PDE4A: variants seen among roughly 807,000 people sequenced by gnomAD.
PDE4A encodes the protein 3',5'-cyclic-AMP phosphodiesterase 4A.
Under a neutral mutation model 73.9 loss-of-function variants are expected in PDE4A, and 21 were observed. That is an observed-to-expected ratio of 0.28 (90% CI 0.20 to 0.41). PDE4A has a LOEUF of 0.41. PDE4A is among the 10% of genes least tolerant of loss of function. The pLI is 1.00. For missense variants in PDE4A, 958 were observed against 1,211.4 expected (o/e 0.79, Z 3.10); for synonymous variants, 463 against 505.4 (o/e 0.92, Z 1.13).
chr19:10,416,976 G>T, upstream of PDE4A: 1 of 1,542,180 alleles, frequency 6.5e-7, no homozygotes. Context: ...GTCCGTGGCA[G>T]GGACCGGGGA....
At chr19:10,433,584 A>T (rs1882473909) in intron 1 of PDE4A, among the ~76,000 whole-genome samples, 1 of 152,206 alleles carries the variant, frequency 6.6e-6, no homozygotes, top group Non-Finnish European at 1.5e-5. Context: ...ATGAGCACCC[A>T]GCCCCTGCTC....
At chr19:10,426,276 C>A (rs895094263) in intron 1 of PDE4A, among the ~76,000 whole-genome samples, 1 of 152,168 alleles carries the variant, frequency 6.6e-6, no homozygotes, top group Non-Finnish European at 1.5e-5. Context: ...TCGTTCATTC[C>A]ACAAACACTG....
At position 10,460,612 on chromosome 19, in the gene PDE4A, T is replaced by C. The variant is rs2043247763; in HGVS notation, c.1366-392T>C. Among the ~76,000 whole-genome samples, 9 of 150,382 alleles carry C rather than the reference T, an allele frequency of 6.0e-5. No homozygotes were observed. In the South Asian group the frequency reaches 1.9e-3, roughly 31 times the overall value. On this transcript the variant is annotated intron_variant, in intron 10 of 14. Coordinates refer to ENST00000380702, the MANE Select transcript of PDE4A (RefSeq NM_001111307.2). ...CACCTGAGGTCAGAAATGGCCAACA[T>C]GGCGAAACCCTGTCTCTACCAAAAA...
At chr19:10,429,170 G>A (rs919286379) in intron 1 of PDE4A, among the ~76,000 whole-genome samples, 3 of 150,276 alleles carry the variant, frequency 2.0e-5, no homozygotes, top group African/African-American at 7.4e-5. Flanking sequence ...GGAAAGGAAG[G>A]AAGAAATGAA....
rs1481491342 is a variant in PDE4A, at chr19:10,458,069, G to C, written c.1068G>C (p.Gly356=). The C allele has an allele frequency of 1.2e-6, 2 of 1,613,810 alleles. No individual in the cohort carries two copies. Among genetic ancestry groups the C allele is most frequent in the East Asian group, 2.2e-5 (1 of 44,884 alleles). ...SLNNSNIPRF[G]VKTDQEELLA... The stretch of plus-strand genomic sequence containing the variant: ...ACAACTCTAACATTCCCCGATTTGG[G>C]GTGAAGACCGATCAAGAAGAGCTCC... The change falls in exon 8 of 15, where the codon GGG becomes GGC. Residue 356 remains glycine, a synonymous_variant. Transcript: ENST00000380702. The surrounding 1 kb of genome is among the most constrained non-coding windows in gnomAD (Gnocchi z 4.6).
Position 10,458,126 on chromosome 19 carries a change from A to G in PDE4A, c.1101+24A>G. On this transcript the variant is annotated intron_variant, in intron 8 of 14. Transcript: ENST00000380702. This position sits in a 1 kb window ranked among gnomAD's most constrained non-coding sequence, Gnocchi z 4.6. ...AAGTGGGTGGGGGCTCAGTAGGGGC[A>G]GGGCTGGAGGGGGTGGTCTCCTGGG... The G allele has an allele frequency of 6.2e-7, 1 of 1,609,068 alleles. No individual in the cohort carries two copies. The highest frequency in any genetic ancestry group is 8.5e-7 in the Non-Finnish European group (1 of 1,176,100).
intron 1 of PDE4A, chr19:10,432,499 G>A (rs1196903578): frequency 1.3e-6 from 2 of 1,518,912 alleles, no homozygotes; most frequent in South Asian, 2.5e-5. Context: ...CCCCCCACGG[G>A]CCCCGAGTCC....
intron 13 of PDE4A, 167 bp from the exon 14 acceptor site, chr19:10,463,626 C>T: frequency 1.2e-6 from 1 of 808,630 alleles, no homozygotes. Flanking sequence ...TGGTCTTGAA[C>T]TCCTGACCTC....
Position 10,467,222 on chromosome 19 carries a change from A to T in PDE4A, c.2262A>T (p.Ala754=). The T allele has an allele frequency of 6.2e-7, 1 of 1,614,192 alleles. No individual in the cohort carries two copies. The highest frequency in any genetic ancestry group is 1.3e-5 in the African/African-American group (1 of 75,060). ...EALDATIAWE[A]SPAQESLEVM... is the part of the protein sequence containing the mutation. ...TGGATGCAACCATAGCCTGGGAGGC[A>T]TCCCCGGCCCAGGAGTCGTTGGAAG... The change falls in exon 15 of 15, where the codon GCA becomes GCT. Residue 754 remains alanine (A), a synonymous_variant. Transcript: ENST00000380702.
rs756155251 is a variant in PDE4A, at chr19:10,453,676, G to T, written c.784-1153G>T. Reference sequence around the variant, plus strand: ...TGACCATGGTGTTGTGTGTTGGGTTGTGTGTCTGAGCCCAGAGCTGCCTGA... The same window carrying T: ...TGACCATGGTGTTGTGTGTTGGGTTTTGTGTCTGAGCCCAGAGCTGCCTGA... On this transcript the variant is annotated intron_variant, in intron 6 of 14. Coordinates refer to ENST00000380702, the MANE Select transcript of PDE4A (RefSeq NM_001111307.2). The surrounding 1 kb of genome is among the most constrained non-coding windows in gnomAD (Gnocchi z 4.6). 2.0e-5 allele frequency among the ~76,000 whole-genome samples: 3 copies of T among 152,114 alleles called. No homozygotes were observed. The highest frequency in any genetic ancestry group is 7.2e-5 in the African/African-American group (3 of 41,414).
rs774217840 is a variant in PDE4A at position 10,453,312 on chromosome 19, G to C, written c.784-1517G>C. On this transcript the variant is annotated intron_variant, in intron 6 of 14. Coordinates refer to ENST00000380702, the MANE Select transcript of PDE4A (RefSeq NM_001111307.2). The surrounding 1 kb of genome is among the most constrained non-coding windows in gnomAD (Gnocchi z 4.6). ...CGAGACCTGCTCTAAGCCTTGGCTG[G>C]TGGGCTGGTGGGACCAGGTAGGAGA... The C allele has an allele frequency of 1.2e-6, 2 of 1,613,338 alleles. No individual in the cohort carries two copies. Among genetic ancestry groups the C allele is most frequent in the East Asian group, 4.5e-5 (2 of 44,892 alleles).
chr19:10,424,987 C>A lies in PDE4A; in HGVS notation c.320+3903C>A, dbSNP rs767725633. On this transcript the variant is annotated intron_variant, in intron 1 of 14. Transcript: ENST00000380702. This position sits in a 1 kb window ranked among gnomAD's most constrained non-coding sequence, Gnocchi z 4.8. The stretch of plus-strand genomic sequence containing the variant: ...CTGTAATCTGAGCACTTTGGGAGAC[C>A]GAGGTGGGCGGATCACGAATGAGGT... Among the ~76,000 whole-genome samples the A allele has an allele frequency of 6.6e-6, 1 of 152,104 alleles. No homozygotes were observed. The highest frequency in any genetic ancestry group is 1.5e-5 in the Non-Finnish European group (1 of 68,010).
intron 12 of PDE4A, 44 bp from the exon 13 acceptor site, chr19:10,461,831 TGG>T (rs755913384): frequency 1.2e-6 from 2 of 1,600,576 alleles, no homozygotes; most frequent in South Asian, 2.2e-5. Context: ...CGGGTCAGTC[TGG>T]GGGGCGGGTG....
chr19:10,468,044 G>GTC lies in PDE4A; in HGVS notation c.*427_*428dup, dbSNP rs1284200439. The GTC allele has an allele frequency of 6.4e-6, 1 of 155,074 alleles. No individual in the cohort carries two copies. Among genetic ancestry groups the GTC allele is most frequent in the Non-Finnish European group, 1.4e-5 (1 of 69,874 alleles). The allele number at this position is 155,074 out of a possible 1,614,324, so 9.6% of individuals were successfully genotyped here. ...GCTCAGTCTTCCAGCCGCCTGGGGAGTCTCTACCTGGGCCCAAGCAGGTGT... is the reference window on the plus strand; with the variant it reads ...GCTCAGTCTTCCAGCCGCCTGGGGAGTCTCTCTACCTGGGCCCAAGCAGGTGT... On this transcript the variant is annotated 3_prime_UTR_variant, in exon 15 of 15. Transcript: ENST00000380702.
Position 10,421,037 on chromosome 19 carries a change from T to C in PDE4A, c.273T>C (p.His91=), listed in dbSNP as rs1214155689. ...GCATGTCCTGGCCCTCGTCCTTCCA[T>C]GGCACTGGCACCGGCAGCGGCGGCG... is the stretch of plus-strand genomic sequence containing the variant. ...TTRMSWPSSF[H]GTGTGSGGAG... is the part of the protein sequence containing the mutation. Residue 91 remains histidine (H), a synonymous_variant, in exon 1 of 15, where the codon CAT becomes CAC. Coordinates refer to ENST00000380702, the MANE Select transcript of PDE4A (RefSeq NM_001111307.2). The C allele has an allele frequency of 6.4e-6, 9 of 1,409,450 alleles. No homozygotes were observed. Among genetic ancestry groups the C allele is most frequent in the Non-Finnish European group, 8.2e-6 (9 of 1,092,134 alleles). 87.3% of individuals were successfully genotyped at this position (1,409,450 alleles called of 1,614,324 possible).
At chr19:10,465,141 A>G (rs2043343030) in intron 14 of PDE4A, among the ~76,000 whole-genome samples, 1 of 151,818 alleles carries the variant, frequency 6.6e-6, no homozygotes, top group Non-Finnish European at 1.5e-5. Flanking sequence ...TTGTGCTAGG[A>G]GCTGCCGTGG....
At chr19:10,439,354 G>C (rs752303940) in intron 1 of PDE4A, among the ~76,000 whole-genome samples, 28 of 151,968 alleles carry the variant, frequency 1.8e-4, no homozygotes, top group Admixed American at 4.6e-4. Flanking sequence ...CCTGATTTTT[G>C]TATTTTTAGT....
intron 14 of PDE4A, 88 bp downstream of exon 14, chr19:10,464,063 C>T (rs758977128): frequency 5.9e-6 from 9 of 1,513,956 alleles, no homozygotes; most frequent in Non-Finnish European, 7.2e-6. Flanking sequence ...GGAGCTCCTC[C>T]CCTGCCTTTC....
At chr19:10,460,003 C>T (rs2144485257) in intron 10 of PDE4A, among the ~76,000 whole-genome samples, 1 of 152,200 alleles carries the variant, frequency 6.6e-6, no homozygotes, top group East Asian at 1.9e-4. Flanking sequence ...GCCTCAGCCT[C>T]CTGAGTAGCT....
Sources: gnomAD v4.1 joint callset for allele counts (sites outside exome capture counted in the v4.1 genomes callset) on GRCh38, gnomAD v4.1.1 for gene constraint, Gnocchi (gnomAD v3.1) non-coding constraint, MANE v1.5 for transcripts, NCBI Gene and HGNC (gene_info 2026-07-23, HGNC 2026-07-21) for gene names.